GNAI1: variants seen among roughly 807,000 people sequenced by gnomAD.
GNAI1 encodes guanine nucleotide-binding protein G(i) subunit alpha-1.
GNAI1 carries 11 observed loss-of-function variants against 38.9 expected under a neutral mutation model. The ratio of observed to expected loss-of-function variants is 0.28; its 90% CI spans 0.18 to 0.47. The LOEUF (loss-of-function observed/expected upper bound fraction) is 0.47, where lower values mean the gene tolerates loss of function less well. GNAI1 is among the 20% of genes least tolerant of loss of function. The probability of loss-of-function intolerance (pLI) is 0.99; values close to 1 mark genes in which losing one functional copy is unlikely to be tolerated. For missense variants in GNAI1, 317 were observed against 436.9 expected (o/e 0.73, Z 2.45); for synonymous variants, 166 against 145.1 (o/e 1.14, Z -1.04).
At chr7:80,159,296 A>T (rs973017347) in intron 1 of GNAI1, among the ~76,000 whole-genome samples, 9 of 152,128 alleles carry the variant, frequency 5.9e-5, no homozygotes, top group African/African-American at 2.2e-4. Context: ...CCATACTCAG[A>T]AACATAGTTC....
intron 3 of GNAI1, among the ~76,000 whole-genome samples, chr7:80,196,458 A>T (rs566983541): frequency 3.3e-4 from 50 of 151,986 alleles, no homozygotes; most frequent in Non-Finnish European, 6.2e-4. Flanking sequence ...TTATATTTAT[A>T]GATGTTAAGT....
At chr7:80,204,693 C>G (rs963595505) in intron 5 of GNAI1, among the ~76,000 whole-genome samples, 1 of 152,082 alleles carries the variant, frequency 6.6e-6, no homozygotes, top group African/African-American at 2.4e-5. Context: ...CTAAAATGCT[C>G]CATCTACTGA....
rs756607419 is a variant in GNAI1 at position 80,189,228 on chromosome 7, G to A, written c.300G>A (p.Arg100=). 2 of 1,610,668 alleles carry A rather than the reference G, an allele frequency of 1.2e-6. No individual in the cohort carries two copies. Among genetic ancestry groups the A allele is most frequent in the Admixed American group, 3.4e-5 (2 of 58,984 alleles). The change falls in exon 3 of 8, where the codon CGG becomes CGA. Residue 100 remains arginine (R), a synonymous_variant. Transcript: ENST00000649796. The part of the protein sequence containing the change: ...RLKIDFGDSA[R]ADDARQLFVL... Reference sequence around the variant, plus strand: ...AGATAGACTTTGGTGACTCAGCCCGGGCGGTAAGTTATTAAATTTGTTGGA... The same window carrying A: ...AGATAGACTTTGGTGACTCAGCCCGAGCGGTAAGTTATTAAATTTGTTGGA...
At chr7:80,137,928 T>A (rs1787454061) in intron 1 of GNAI1, among the ~76,000 whole-genome samples, 2 of 152,240 alleles carry the variant, frequency 1.3e-5, no homozygotes, top group Non-Finnish European at 2.9e-5. Flanking sequence ...TTTCCTAATT[T>A]GACTTTAGTA....
intron 1 of GNAI1, among the ~76,000 whole-genome samples, chr7:80,153,074 C>T (rs1390227122): frequency 1.3e-5 from 2 of 152,094 alleles, no homozygotes; most frequent in Non-Finnish European, 2.9e-5. Flanking sequence ...TCATTACTTT[C>T]CCATTAACCA....
At chr7:80,217,234 C>CTGACTTCAGTTTCATCTGTATGAAAA in intron 7 of GNAI1, 69 bp from the exon 8 acceptor site, 1 of 1,045,088 alleles carries the variant, frequency 9.6e-7, no homozygotes, top group Non-Finnish European at 1.4e-6. Flanking sequence ...ATGTATGAAA[C>CTGACTTCAGTTTCATCTGTATGAAAA]TGAATTCAGT....
chr7:80,150,810 G>C (rs1174087999), intron 1 of GNAI1, among the ~76,000 whole-genome samples: 2 of 152,094 alleles, frequency 1.3e-5, no homozygotes, highest in African/African-American at 4.8e-5. Flanking sequence ...TATTTCCCAA[G>C]CCTTATTTAC....
At chr7:80,174,700 T>C (rs1187550602) in intron 1 of GNAI1, among the ~76,000 whole-genome samples, 1 of 152,148 alleles carries the variant, frequency 6.6e-6, no homozygotes, top group Non-Finnish European at 1.5e-5. Context: ...TTTAAAAAAT[T>C]TGTCAGCGTA....
intron 1 of GNAI1, among the ~76,000 whole-genome samples, chr7:80,188,515 A>G (rs1788425847): frequency 6.6e-6 from 1 of 152,166 alleles, no homozygotes; most frequent in Non-Finnish European, 1.5e-5. Flanking sequence ...GTGTTTAGAA[A>G]CCGATGAAGC....
At chr7:80,211,450 G>T (rs886760016) in intron 6 of GNAI1, among the ~76,000 whole-genome samples, 1 of 139,096 alleles carries the variant, frequency 7.2e-6, no homozygotes, top group Non-Finnish European at 1.5e-5. Flanking sequence ...ACGGAGTCTC[G>T]CCCTGTTGCC....
At chr7:80,210,830 T>C (rs1788860043) in intron 5 of GNAI1, 139 bp from the exon 6 acceptor site, 1 of 540,604 alleles carries the variant, frequency 1.8e-6, no homozygotes, top group African/African-American at 1.9e-5. Context: ...GACATTTTTT[T>C]CTCCCATAAA....
intron 1 of GNAI1, among the ~76,000 whole-genome samples, chr7:80,136,287 A>G (rs1787415157): frequency 6.6e-6 from 1 of 152,210 alleles, no homozygotes; most frequent in African/African-American, 2.4e-5. Flanking sequence ...ATTTAGATAG[A>G]TGAAAAATTT....
chr7:80,150,300 T>G (rs1787701135), intron 1 of GNAI1, among the ~76,000 whole-genome samples: 1 of 152,150 alleles, frequency 6.6e-6, no homozygotes, highest in Admixed American at 6.6e-5. Context: ...AATAAATATG[T>G]GAGCAGGAAT....
intron 4 of GNAI1, among the ~76,000 whole-genome samples, chr7:80,201,439 G>A (rs1020834964): frequency 5.3e-5 from 8 of 152,138 alleles, no homozygotes; most frequent in African/African-American, 1.7e-4. Context: ...AACATAGGCC[G>A]GGCATTGGTG....
At chr7:80,162,700 G>T (rs1181595825) in intron 1 of GNAI1, among the ~76,000 whole-genome samples, 2 of 152,170 alleles carry the variant, frequency 1.3e-5, no homozygotes, top group Non-Finnish European at 2.9e-5. Flanking sequence ...GCTCCTTGAG[G>T]TTGGGGAATA....
At chr7:80,156,817 T>TTA (rs1418649022) in intron 1 of GNAI1, among the ~76,000 whole-genome samples, 1 of 152,172 alleles carries the variant, frequency 6.6e-6, no homozygotes, top group African/African-American at 2.4e-5. Flanking sequence ...TAGAGTAGTT[T>TTA]TAGGTTCACA....
intron 4 of GNAI1, among the ~76,000 whole-genome samples, chr7:80,201,314 G>C: frequency 6.6e-6 from 1 of 152,170 alleles, no homozygotes; most frequent in East Asian, 1.9e-4. Flanking sequence ...GGTACTACTT[G>C]GGAATGACAG....
At chr7:80,189,299 C>G (rs1788440333) in intron 3 of GNAI1, 68 bp downstream of exon 3, 1 of 1,317,978 alleles carries the variant, frequency 7.6e-7, no homozygotes. Context: ...TAATACCATA[C>G]TGTGTAACAT....
At chr7:80,144,543 C>T (rs1007436290) in intron 1 of GNAI1, among the ~76,000 whole-genome samples, 5 of 152,168 alleles carry the variant, frequency 3.3e-5, no homozygotes, top group African/African-American at 1.2e-4. Context: ...CTTACATCTT[C>T]AGTTGTATGA....
Sources: allele counts gnomAD v4.1 joint callset (sites outside exome capture counted in the v4.1 genomes callset), GRCh38; gene constraint gnomAD v4.1.1; transcripts MANE v1.5; gene names NCBI Gene and HGNC (gene_info 2026-07-23, HGNC 2026-07-21).